Variants in PSMD8 observed in about 807,000 individuals in gnomAD.
PSMD8 encodes the protein 26S proteasome non-ATPase regulatory subunit 8.
In PSMD8, 30 loss-of-function variants were observed where a neutral mutation model predicts 40.0. That is an observed-to-expected ratio of 0.75 (90% confidence interval 0.56 to 1.02). PSMD8 has a LOEUF of 1.02. PSMD8 is among the 50% of genes least tolerant of loss of function. The pLI is 0.00. For synonymous variants in PSMD8, 208 were observed against 192.5 expected, an observed-to-expected ratio of 1.08 and a Z score of -0.67; for missense variants, 461 against 463.9, an observed-to-expected ratio of 0.99 and a Z score of 0.06.
At chr19:38,376,051 T>C (rs1023538979) in intron 1 of PSMD8, 109 bp from the exon 2 acceptor site, 4 of 1,105,156 alleles carry the variant, frequency 3.6e-6, no homozygotes, top group Non-Finnish European at 5.3e-6. Flanking sequence ...TGAGTCTGGA[T>C]GATGGTTAGC....
At position 38,374,856 on chromosome 19, in the gene PSMD8, C is replaced by G. The variant is rs760692063; in HGVS notation, c.255C>G (p.Gly85=). The change falls in exon 1 of 7, where the codon GGC becomes GGG. Residue 85 remains glycine, a synonymous_variant. Transcript: ENST00000215071. ...FSSSGPAATS[G]AVLQAATGMY... is the part of the protein sequence containing the mutation. ...GCTCCGGGCCCGCGGCAACCTCGGG[C>G]GCTGTTCTGCAGGCCGCGACCGGCA... 17 of 1,582,496 alleles carry G rather than the reference C, an allele frequency of 1.1e-5. No homozygotes were observed. Among genetic ancestry groups the G allele is most frequent in the Non-Finnish European group, 1.4e-5 (17 of 1,172,470 alleles).
intron 6 of PSMD8, chr19:38,382,919 A>G: frequency 3.9e-6 from 1 of 254,468 alleles, no homozygotes. Flanking sequence ...CTGGGGAAAA[A>G]AAAAAAAAAA....
chr19:38,382,061 C>T (rs1970644902), intron 5 of PSMD8, 56 bp from the exon 6 acceptor site: 1 of 1,295,650 alleles, frequency 7.7e-7, no homozygotes, highest in Non-Finnish European at 1.1e-6. Flanking sequence ...TCTGGGGGGA[C>T]AGGTCCTGGG....
intron 4 of PSMD8, 55 bp downstream of exon 4, chr19:38,379,460 G>T (rs1440603220): frequency 3.2e-6 from 5 of 1,578,192 alleles, no homozygotes; most frequent in Non-Finnish European, 4.3e-6. Flanking sequence ...TGCAGGGGTG[G>T]TCTTAGGAGG....
chr19:38,379,421 G>A lies in PSMD8; in HGVS notation c.702+16G>A. On this transcript the variant is annotated intron_variant, in intron 4 of 6. Coordinates refer to ENST00000215071, the MANE Select transcript of PSMD8 (RefSeq NM_002812.5). ...CCTGGAGCAAGTGAGATGGCAAGGG[G>A]CAGGGGAGGACCTGGCCAAAGTGGG... The A allele has an allele frequency of 6.2e-7, 1 of 1,613,328 alleles. No individual in the cohort carries two copies. Among genetic ancestry groups the A allele is most frequent in the Non-Finnish European group, 8.5e-7 (1 of 1,179,522 alleles).
chr19:38,382,459 G>T, intron 6 of PSMD8: 3 of 575,928 alleles, frequency 5.2e-6, no homozygotes, highest in East Asian at 2.9e-5. Flanking sequence ...GGCGCTGCAC[G>T]CATGTTGGCT....
At position 38,374,828 on chromosome 19, in the gene PSMD8, C is replaced by G. The variant is rs372489810; in HGVS notation, c.227C>G (p.Ser76Trp). The G allele has an allele frequency of 7.0e-6, 11 of 1,575,074 alleles. No individual in the cohort carries two copies. The highest frequency in any genetic ancestry group is 1.1e-5 in the South Asian group (1 of 87,516). Residue 76 changes from serine to tryptophan, a missense_variant, in exon 1 of 7, where the codon TCG (serine) becomes TGG (tryptophan). Physicochemically the swap from Ser to Trp is radical, Grantham distance 177. Coordinates refer to ENST00000215071, the MANE Select transcript of PSMD8 (RefSeq NM_002812.5). ...GCGGTGAACGGGGCGGCAGGCTTCT[C>G]GAGCTCCGGGCCCGCGGCAACCTCG... ...AAAVNGAAGFSSSGPAATSGA... is the reference protein window; with the variant it reads ...AAAVNGAAGFWSSGPAATSGA...
Position 38,374,878 on chromosome 19 carries a change from G to A in PSMD8, c.277G>A (p.Gly93Ser). The change falls in exon 1 of 7, where the codon GGC (glycine) becomes AGC (serine). Residue 93 changes from glycine (G) to serine (S), a missense_variant. Coordinates refer to ENST00000215071, the MANE Select transcript of PSMD8 (RefSeq NM_002812.5). ...TSGAVLQAAT[G>S]MYEQLKGEWN... ...GGGCGCTGTTCTGCAGGCCGCGACC[G>A]GCATGTACGAGCAACTCAAGGGCGA... The A allele has an allele frequency of 1.3e-6, 2 of 1,587,116 alleles. No individual in the cohort carries two copies. Among genetic ancestry groups the A allele is most frequent in the Non-Finnish European group, 8.5e-7 (1 of 1,174,666 alleles).
intron 1 of PSMD8, among the ~76,000 whole-genome samples, chr19:38,375,801 A>G (rs1970592852): frequency 6.6e-6 from 1 of 152,124 alleles, no homozygotes; most frequent in Non-Finnish European, 1.5e-5. Flanking sequence ...TCCCCCTCCC[A>G]GATATAGATT....
chr19:38,381,067 C>A, intron 5 of PSMD8, 68 bp downstream of exon 5: 1 of 1,247,568 alleles, frequency 8.0e-7, no homozygotes, highest in Non-Finnish European at 1.1e-6. Flanking sequence ...AGCTCCGAGT[C>A]TGAATCTCAT....
chr19:38,381,835 A>C (rs1228387914), intron 5 of PSMD8, among the ~76,000 whole-genome samples: 1 of 152,200 alleles, frequency 6.6e-6, no homozygotes, highest in Admixed American at 6.5e-5. Flanking sequence ...GTGAGTCCCA[A>C]GCTGGGTTTC....
At chr19:38,380,750 T>C (rs2145129115) in intron 4 of PSMD8, 149 bp from the exon 5 acceptor site, 1 of 524,326 alleles carries the variant, frequency 1.9e-6, no homozygotes, top group Non-Finnish European at 3.3e-6. Flanking sequence ...CAGCAAGGGC[T>C]TTCTGGAAGA....
intron 3 of PSMD8, 49 bp from the exon 4 acceptor site, chr19:38,379,191 C>A (rs1428121598): frequency 3.2e-6 from 5 of 1,582,456 alleles, no homozygotes; most frequent in Non-Finnish European, 4.3e-6. Flanking sequence ...AGAGGGCTCG[C>A]TAGGCCCTTA....
intron 3 of PSMD8, 87 bp from the exon 4 acceptor site, chr19:38,379,153 C>T (rs1186266686): frequency 4.8e-5 from 64 of 1,336,510 alleles, no homozygotes; most frequent in Middle Eastern, 2.6e-4. Flanking sequence ...ATGCATGGGG[C>T]GTTGTGAGGA....
intron 1 of PSMD8, chr19:38,375,306 G>T: frequency 3.5e-6 from 1 of 282,826 alleles, no homozygotes; most frequent in Non-Finnish European, 6.8e-6. Context: ...AGAGATGACT[G>T]GAATGGACCC....
intron 5 of PSMD8, among the ~76,000 whole-genome samples, chr19:38,381,745 G>T (rs567194803): frequency 1.3e-5 from 2 of 152,140 alleles, no homozygotes; most frequent in African/African-American, 4.8e-5. Flanking sequence ...CCTCTTGATG[G>T]GTACAAGGAA....
intron 4 of PSMD8, 115 bp downstream of exon 4, chr19:38,379,520 C>A: frequency 1.7e-6 from 2 of 1,161,828 alleles, no homozygotes; most frequent in Non-Finnish European, 2.4e-6. Flanking sequence ...ACCCACGGAC[C>A]CATCCTCTTG....
chr19:38,374,677 G>C lies in PSMD8; in HGVS notation c.76G>C (p.Val26Leu). ...GGCTACCCGGGGCGGGCTGAGGCAG[G>C]TTGTAGCCCCGCCCCGGGCCTTGGG... ...RRATRGGLRQVVAPPRALGST... is the reference protein window; with the variant it reads ...RRATRGGLRQLVAPPRALGST... Residue 26 changes from valine to leucine, a missense_variant, in exon 1 of 7, where the codon GTT becomes CTT. By Grantham distance (32) the Val-to-Leu change is conservative. Around this residue, in one of 2 missense-constraint regions of PSMD8, gnomAD observed 225 missense variants for 142.7 expected, o/e 1.58. Coordinates refer to ENST00000215071, the MANE Select transcript of PSMD8 (RefSeq NM_002812.5). 6.5e-7 allele frequency: 1 copy of C among 1,542,914 alleles called. No homozygotes were observed. Among genetic ancestry groups the C allele is most frequent in the Non-Finnish European group, 8.7e-7 (1 of 1,147,500 alleles).
At chr19:38,380,707 A>AGAGAGAGAGAGTGT (rs1555743507) in intron 4 of PSMD8, among the ~76,000 whole-genome samples, 192 bp from the exon 5 acceptor site, 2 of 120,954 alleles carry the variant, frequency 1.7e-5, no homozygotes, top group Admixed American at 1.7e-4. Context: ...AGAGAGAGAG[A>AGAGAGAGAGAGTGT]GTGTGTGTGT....
Sources: gnomAD v4.1 joint callset for allele counts (sites outside exome capture counted in the v4.1 genomes callset) on GRCh38, gnomAD v4.1.1 for gene constraint, gnomAD v4.1.1 regional missense constraint, MANE v1.5 for transcripts, NCBI Gene and HGNC (gene_info 2026-07-23, HGNC 2026-07-21) for gene names.